Variants in CWC27 observed in about 807,000 individuals in gnomAD.
The protein encoded by CWC27 is spliceosome-associated protein CWC27 homolog.
CWC27 carries 47 observed loss-of-function variants against 63.6 expected under a neutral mutation model. The ratio of observed to expected loss-of-function variants is 0.74; its 90% CI spans 0.58 to 0.94. The LOEUF is 0.94. Ranked by LOEUF, CWC27 falls within the 40% of genes least tolerant of loss-of-function variation. The probability of loss-of-function intolerance (pLI) is 0.00; values close to 1 mark genes in which losing one functional copy is unlikely to be tolerated. For missense variants in CWC27, 495 were observed against 554.3 expected, an observed-to-expected ratio of 0.89 and a Z score of 1.07; for synonymous variants, 175 against 179.8, an observed-to-expected ratio of 0.97 and a Z score of 0.22.
intron 11 of CWC27, among the ~76,000 whole-genome samples, chr5:64,892,531 T>C (rs1433592244): frequency 6.6e-6 from 1 of 152,238 alleles, no homozygotes; most frequent in Non-Finnish European, 1.5e-5. Context: ...ATTTGTTTCT[T>C]TTCATGCTAT....
chr5:64,897,407 A>T (rs551573914), intron 11 of CWC27, among the ~76,000 whole-genome samples: 1 of 152,328 alleles, frequency 6.6e-6, no homozygotes, highest in South Asian at 2.1e-4. Flanking sequence ...ATGCAGCTAT[A>T]AAAAAGGATG....
chr5:64,900,759 A>T (rs1232410174), intron 11 of CWC27, among the ~76,000 whole-genome samples: 1 of 152,134 alleles, frequency 6.6e-6, no homozygotes, highest in East Asian at 1.9e-4. Flanking sequence ...AACAATGGGG[A>T]TACAGTCTGC....
chr5:64,801,223 T>G, intron 8 of CWC27, 79 bp from the exon 9 acceptor site: 1 of 1,233,038 alleles, frequency 8.1e-7, no homozygotes, highest in South Asian at 1.4e-5. Flanking sequence ...CAGCAAACTA[T>G]TCTAGATTTT....
chr5:64,832,657 AT>A (rs902670912), intron 10 of CWC27, among the ~76,000 whole-genome samples: 11 of 151,518 alleles, frequency 7.3e-5, no homozygotes, highest in African/African-American at 2.2e-4. Context: ...TAAAATTAAT[AT>A]TTTTTTTACT....
intron 10 of CWC27, among the ~76,000 whole-genome samples, chr5:64,883,738 T>C (rs1215248171): frequency 6.6e-6 from 1 of 152,200 alleles, no homozygotes; most frequent in Non-Finnish European, 1.5e-5. Flanking sequence ...TAGAGGTTAA[T>C]AAAGCAGACT....
chr5:64,778,929 C>T (rs912687638), intron 2 of CWC27, among the ~76,000 whole-genome samples: 1 of 152,158 alleles, frequency 6.6e-6, no homozygotes, highest in Admixed American at 6.5e-5. Context: ...GTACTAAATA[C>T]AGTTGTTAGA....
chr5:64,816,610 G>A (rs191377093), intron 10 of CWC27, among the ~76,000 whole-genome samples: 5 of 152,212 alleles, frequency 3.3e-5, no homozygotes, highest in South Asian at 2.1e-4. Context: ...TGAAGACTTC[G>A]TGGAACCATT....
At chr5:64,788,903 A>T in intron 6 of CWC27, 48 bp from the exon 7 acceptor site, 1 of 1,315,442 alleles carries the variant, frequency 7.6e-7, no homozygotes, top group Non-Finnish European at 1.1e-6. Context: ...TATAAGTTTG[A>T]TTTGACTTTC....
At chr5:64,783,581 G>T (rs900094921) in intron 3 of CWC27, among the ~76,000 whole-genome samples, 8 of 152,134 alleles carry the variant, frequency 5.3e-5, no homozygotes, top group Non-Finnish European at 1.2e-4. Flanking sequence ...TCCCCCTTGG[G>T]TACTCTTCCT....
At chr5:64,832,976 G>A (rs572182546) in intron 10 of CWC27, among the ~76,000 whole-genome samples, 11 of 151,798 alleles carry the variant, frequency 7.2e-5, no homozygotes, top group Non-Finnish European at 1.0e-4. Flanking sequence ...TGGCTCTGCC[G>A]AGCTATGAAA....
At chr5:64,829,605 C>T (rs1226244770) in intron 10 of CWC27, among the ~76,000 whole-genome samples, 1 of 151,146 alleles carries the variant, frequency 6.6e-6, no homozygotes, top group Admixed American at 6.6e-5. Flanking sequence ...CTGAGAACTT[C>T]CTGAGGAAGG....
At chr5:64,842,389 T>A (rs576744539) in intron 10 of CWC27, among the ~76,000 whole-genome samples, 1 of 147,498 alleles carries the variant, frequency 6.8e-6, no homozygotes, top group South Asian at 2.2e-4. Flanking sequence ...CTACAACCTC[T>A]GCCTCCTGGG....
chr5:64,885,560 T>C lies in CWC27; in HGVS notation c.1042+14T>C. ...AAAGAAGTGAAGGTAAGGGCATTTA[T>C]CACGCTTATTTTTTCACTTGATACT... On this transcript the variant is annotated intron_variant, in intron 11 of 13. Coordinates refer to ENST00000381070, the MANE Select transcript of CWC27 (RefSeq NM_005869.4). 1.3e-6 allele frequency: 2 copies of C among 1,571,082 alleles called. No homozygotes were observed. Among genetic ancestry groups the C allele is most frequent in the Non-Finnish European group, 1.7e-6 (2 of 1,152,830 alleles).
intron 10 of CWC27, among the ~76,000 whole-genome samples, chr5:64,859,496 A>G (rs1354046077): frequency 3.9e-5 from 6 of 152,232 alleles, no homozygotes; most frequent in African/African-American, 1.4e-4. Context: ...ATTCCAAAAT[A>G]TTGGAGAAGA....
chr5:64,820,150 T>C (rs777713537), intron 10 of CWC27, among the ~76,000 whole-genome samples: 11 of 152,176 alleles, frequency 7.2e-5, no homozygotes, highest in Non-Finnish European at 1.6e-4. Context: ...CTGTAACTGC[T>C]CAAGATTACT....
At chr5:64,878,465 C>T (rs1344690752) in intron 10 of CWC27, among the ~76,000 whole-genome samples, 1 of 36,692 alleles carries the variant, frequency 2.7e-5, no homozygotes, top group Non-Finnish European at 4.4e-5. Flanking sequence ...TCCTGGGTTA[C>T]AGATTAAAAA....
intron 10 of CWC27, among the ~76,000 whole-genome samples, chr5:64,858,463 AAATAATAATAATAAT>A (rs199882585): frequency 1.4e-5 from 2 of 146,550 alleles, no homozygotes; most frequent in African/African-American, 5.0e-5. Flanking sequence ...CTCCATCTCA[AAATAATAATAATAAT>A]AATAATAATA....
At chr5:64,882,572 A>G (rs778501126) in intron 10 of CWC27, among the ~76,000 whole-genome samples, 5 of 152,056 alleles carry the variant, frequency 3.3e-5, no homozygotes, top group Non-Finnish European at 7.4e-5. Context: ...TGTAAAAATT[A>G]ATGTTTCCTT....
chr5:64,999,170 A>T (rs1339356092), intron 13 of CWC27, among the ~76,000 whole-genome samples: 1 of 152,044 alleles, frequency 6.6e-6, no homozygotes, highest in East Asian at 1.9e-4. Context: ...CATGTTGAAA[A>T]AAGATTCAGA....
Sources: allele counts gnomAD v4.1 joint callset (sites outside exome capture counted in the v4.1 genomes callset), GRCh38; gene constraint gnomAD v4.1.1; transcripts MANE v1.5; gene names NCBI Gene and HGNC (gene_info 2026-07-23, HGNC 2026-07-21).